SYNE1: variants seen among roughly 807,000 people sequenced by gnomAD.
SYNE1 encodes the protein spectrin repeat containing nuclear envelope protein 1.
Under a neutral mutation model 1,111.0 loss-of-function variants are expected in SYNE1, and 616 were observed. The observed-to-expected ratio is 0.55, with a 90% CI of 0.52 to 0.59. The LOEUF (loss-of-function observed/expected upper bound fraction) is 0.59, where lower values mean the gene tolerates loss of function less well. SYNE1 is among the 20% of genes least tolerant of loss of function. The pLI, the probability that SYNE1 is intolerant of heterozygous loss-of-function variation, is 0.00. For missense variants in SYNE1, 10,006 were observed against 10,417.0 expected (o/e 0.96, Z 1.72); for synonymous variants, 3,855 against 3,825.8 (o/e 1.01, Z -0.28).
rs1447914186 is a variant in SYNE1, at chr6:152,387,148, G to A, written c.8411C>T (p.Thr2804Ile). The A allele has an allele frequency of 1.2e-6, 2 of 1,614,058 alleles. No homozygotes were observed. The highest frequency in any genetic ancestry group is 1.6e-4 in the Middle Eastern group (1 of 6,078). The change falls in exon 54 of 146, where the codon ACA becomes ATA. Residue 2804 changes from threonine to isoleucine, a missense_variant. Thr to Ile is a moderately conservative substitution (Grantham distance 89). This residue lies in a region of SYNE1 where 4,955 missense variants were observed against 5,017.2 expected (regional missense o/e 0.99). Transcript: ENST00000367255. ...IAKSRELYEK[T>I]EDESFKDTAQ... ...TGTGTCCTTGAAAGACTCATCCTCTGTCTTTTCGTAGAGCTCCCTGGACTT... is the reference window on the plus strand; with the variant it reads ...TGTGTCCTTGAAAGACTCATCCTCTATCTTTTCGTAGAGCTCCCTGGACTT...
intron 51 of SYNE1, among the ~76,000 whole-genome samples, chr6:152,393,181 A>C (rs1779664193): frequency 6.6e-6 from 1 of 152,228 alleles, no homozygotes; most frequent in African/African-American, 2.4e-5. Context: ...TATTAGAAAA[A>C]CAATGAGGAA....
intron 3 of SYNE1, among the ~76,000 whole-genome samples, chr6:152,567,096 A>G (rs1414757340): frequency 6.4e-4 from 97 of 151,164 alleles, no homozygotes; most frequent in Non-Finnish European, 8.8e-5. Context: ...GCACCTGTTA[A>G]CTGCTGTTTC....
intron 68 of SYNE1, 38 bp downstream of exon 68, chr6:152,353,550 GT>G (rs746139363): frequency 1.2e-6 from 2 of 1,614,012 alleles, no homozygotes; most frequent in East Asian, 4.5e-5. Context: ...GGCTGGCGAA[GT>G]TTGCTGGTCT....
chr6:152,328,331 A>G (rs1243108319), intron 78 of SYNE1, among the ~76,000 whole-genome samples: 1 of 152,046 alleles, frequency 6.6e-6, no homozygotes, highest in East Asian at 1.9e-4. Context: ...ATGGGCCAAG[A>G]AGTTAAAGGA....
intron 143 of SYNE1, among the ~76,000 whole-genome samples, chr6:152,132,582 A>G (rs1328745459): frequency 6.6e-6 from 1 of 152,254 alleles, no homozygotes; most frequent in Admixed American, 6.5e-5. Flanking sequence ...ACAGAAGTCA[A>G]TACATTCCAG....
At chr6:152,452,259 T>G (rs992254413) in intron 25 of SYNE1, among the ~76,000 whole-genome samples, 1 of 152,034 alleles carries the variant, frequency 6.6e-6, no homozygotes, top group African/African-American at 2.4e-5. Flanking sequence ...ATGAGAAAAA[T>G]GAGGTGGGCC....
chr6:152,255,161 A>G (rs1198212794), intron 103 of SYNE1, 72 bp from the exon 104 acceptor site: 1 of 1,318,410 alleles, frequency 7.6e-7, no homozygotes, highest in Non-Finnish European at 1.1e-6. Flanking sequence ...TTATTTTCTC[A>G]TAGAAAGTCA....
At position 152,350,523 on chromosome 6, in the gene SYNE1, G is replaced by A. The variant is rs149529564; in HGVS notation, c.11733+95C>T. The A allele has an allele frequency of 2.1e-4, 318 of 1,549,840 alleles. No individual in the cohort carries two copies. In the East Asian group the frequency reaches 2.1e-3, roughly 10 times the overall value. On this transcript the variant is annotated intron_variant, in intron 71 of 145. Transcript: ENST00000367255. ...TCTGAATAAAAAAAAATACTAACCCGTACCAGGCCTTAAAATTACATGACA... is the reference window on the plus strand; with the variant it reads ...TCTGAATAAAAAAAAATACTAACCCATACCAGGCCTTAAAATTACATGACA...
At chr6:152,508,427 T>G (rs941863696) in intron 8 of SYNE1, among the ~76,000 whole-genome samples, 4 of 152,216 alleles carry the variant, frequency 2.6e-5, no homozygotes, top group African/African-American at 9.6e-5. Context: ...CACCAGACTC[T>G]TGCACATCTT....
At chr6:152,604,980 GAA>G (rs1565137954) in intron 3 of SYNE1, among the ~76,000 whole-genome samples, 21 of 20,108 alleles carry the variant, frequency 1.0e-3, no homozygotes, top group South Asian at 2.6e-3. Flanking sequence ...AAGAAAGAAA[GAA>G]AGAAAGAAAG....
intron 97 of SYNE1, among the ~76,000 whole-genome samples, chr6:152,279,277 CA>C (rs201858581): frequency 4.1e-4 from 57 of 138,584 alleles, no homozygotes; most frequent in African/African-American, 1.3e-3. Flanking sequence ...AAAAAAAAAA[CA>C]AAAAAAAGTT....
chr6:152,217,282 A>G (rs621831), intron 121 of SYNE1, among the ~76,000 whole-genome samples: 88,697 of 147,460 alleles, frequency 0.6, 26,800 homozygotes, highest in East Asian at 0.75. Context: ...TGCAGTCCTA[A>G]CTACTCGGGA....
At position 152,463,407 on chromosome 6, in the gene SYNE1, C is replaced by A; in HGVS notation, c.2043G>T (p.Gln681His). ...CDEMVSRDLK[Q>H]QLLLLNGRWR... is the part of the protein sequence containing the mutation. ...ACCGCCCATTTAGCAACAGTAATTGCTGCTTCAGGTCACGGGAAACCATCT... is the reference window on the plus strand; with the variant it reads ...ACCGCCCATTTAGCAACAGTAATTGATGCTTCAGGTCACGGGAAACCATCT... Residue 681 changes from glutamine to histidine, a missense_variant, in exon 19 of 146, where the codon CAG becomes CAT. By Grantham distance (24) the Gln-to-His change is conservative. Around this residue, in one of 7 missense-constraint regions of SYNE1, gnomAD observed 1,971 missense variants for 2,084.1 expected, o/e 0.95. Transcript: ENST00000367255. The A allele has an allele frequency of 6.2e-7, 1 of 1,613,802 alleles. No homozygotes were observed. The highest frequency in any genetic ancestry group is 8.5e-7 in the Non-Finnish European group (1 of 1,179,794).
At chr6:152,415,934 T>C (rs1397393460) in intron 41 of SYNE1, among the ~76,000 whole-genome samples, 3 of 151,484 alleles carry the variant, frequency 2.0e-5, no homozygotes, top group Non-Finnish European at 4.4e-5. Context: ...AAGAAATAAA[T>C]ATGAAATTAC....
At chr6:152,225,136 G>A (rs2081244151) in intron 116 of SYNE1, among the ~76,000 whole-genome samples, 1 of 151,696 alleles carries the variant, frequency 6.6e-6, no homozygotes, top group Non-Finnish European at 1.5e-5. Context: ...TGAGGAAACT[G>A]AGACACTAAG....
intron 3 of SYNE1, among the ~76,000 whole-genome samples, chr6:152,554,050 C>T (rs6557234): frequency 0.42 from 64,311 of 151,500 alleles, 14,070 homozygotes; most frequent in Admixed American, 0.5. Context: ...GGGCTGAGGA[C>T]CAGTCCTGGG....
At chr6:152,568,888 A>G (rs1046719327) in intron 3 of SYNE1, among the ~76,000 whole-genome samples, 5 of 152,252 alleles carry the variant, frequency 3.3e-5, no homozygotes, top group African/African-American at 1.2e-4. Context: ...AAAGTTTTAC[A>G]TTATTCAATT....
At chr6:152,506,638 C>T (rs2099059706) in intron 8 of SYNE1, among the ~76,000 whole-genome samples, 1 of 152,108 alleles carries the variant, frequency 6.6e-6, no homozygotes, top group African/African-American at 2.4e-5. Context: ...ACCCCCCAGG[C>T]TCAAGGGATT....
chr6:152,521,037 A>ATAC (rs1401953265), intron 5 of SYNE1, among the ~76,000 whole-genome samples: 1 of 152,224 alleles, frequency 6.6e-6, no homozygotes, highest in Non-Finnish European at 1.5e-5. Flanking sequence ...GGCACCCGTC[A>ATAC]TACTAACTCC....
Sources: allele counts gnomAD v4.1 joint callset (sites outside exome capture counted in the v4.1 genomes callset), GRCh38; gene constraint gnomAD v4.1.1; regional missense constraint gnomAD v4.1.1; transcripts MANE v1.5; gene names NCBI Gene and HGNC (gene_info 2026-07-23, HGNC 2026-07-21).